KHDC1: variants seen among roughly 807,000 people sequenced by gnomAD.
KHDC1 encodes the protein KH domain containing 1, also known as KH homology domain-containing protein 1.
KHDC1 carries 21 observed loss-of-function variants against 24.7 expected under a neutral mutation model. The ratio of observed to expected loss-of-function variants is 0.85; its 90% confidence interval spans 0.60 to 1.23. KHDC1 has a LOEUF of 1.23. KHDC1 is among the 50% of genes most tolerant of loss of function. The pLI is 0.00. For synonymous variants in KHDC1, 98 were observed against 111.7 expected (o/e 0.88, Z 0.77); for missense variants, 274 against 298.5 (o/e 0.92, Z 0.61).
chr6:73,250,633 G>A (rs1488640230), intron 2 of KHDC1, among the ~76,000 whole-genome samples: 21 of 152,226 alleles, frequency 1.4e-4, no homozygotes, highest in Non-Finnish European at 5.9e-5. Context: ...GTTATTTGCT[G>A]TTCAAATCAT....
chr6:73,292,575 T>G lies in KHDC1; in HGVS notation c.164-535A>C. The G allele has an allele frequency of 2.6e-6, 2 of 765,728 alleles. 1 individual carries two copies. The highest frequency in any genetic ancestry group is 2.7e-5 in the South Asian group (2 of 74,158). 47.4% of individuals were successfully genotyped at this position (765,728 alleles called of 1,614,324 possible). ...GATAATAATTCTGTGAGTTCTCCAC[T>G]CCAGTCTCTTCAGCAGAGAGCATGG... On this transcript the variant is annotated intron_variant, in intron 1 of 4. Transcript: ENST00000370384.
intron 1 of KHDC1, among the ~76,000 whole-genome samples, chr6:73,306,643 T>G (rs1767967836): frequency 6.6e-6 from 1 of 150,868 alleles, no homozygotes; most frequent in African/African-American, 2.4e-5. Context: ...GAATAGATAA[T>G]ACCCTCCTTC....
chr6:73,241,995 A>G lies in KHDC1; in HGVS notation c.514+60T>C, dbSNP rs532287244. On this transcript the variant is annotated intron_variant, in intron 4 of 4. Transcript: ENST00000370384. ...ATTCTTCAAGAATCCAAGATGCTAC[A>G]CAACTTAGCCAGAACTCCACCACCA... 44 of 1,532,808 alleles carry G rather than the reference A, an allele frequency of 2.9e-5. No homozygotes were observed. In the African/African-American group the frequency reaches 4.7e-4, roughly 16 times the overall value. 95.0% of individuals were successfully genotyped at this position (1,532,808 alleles called of 1,614,324 possible). A position where few individuals can be genotyped will look rare whatever the true frequency, so the allele number is the denominator to read the frequency against.
intron 1 of KHDC1, among the ~76,000 whole-genome samples, chr6:73,295,436 T>C (rs1317791508): frequency 6.6e-6 from 1 of 152,170 alleles, no homozygotes; most frequent in Non-Finnish European, 1.5e-5. Flanking sequence ...GCACAGTGGC[T>C]CACGCCTGTA....
exon 1 of KHDC1, chr6:73,309,865 G>A: frequency 2.3e-6 from 2 of 866,904 alleles, no homozygotes; most frequent in Non-Finnish European, 3.5e-6. Flanking sequence ...TTCGGGTCGG[G>A]GTCAACCCAG....
At chr6:73,261,845 G>A (rs34378341) in intron 2 of KHDC1, among the ~76,000 whole-genome samples, 2 of 151,794 alleles carry the variant, frequency 1.3e-5, no homozygotes, top group Non-Finnish European at 2.9e-5. Flanking sequence ...CCGGGAGATA[G>A]AGGTTGCAGT....
intron 2 of KHDC1, among the ~76,000 whole-genome samples, chr6:73,266,498 A>G (rs190597219): frequency 1.3e-5 from 2 of 152,358 alleles, no homozygotes; most frequent in East Asian, 1.9e-4. Context: ...CTGTGTTTCA[A>G]CAAGGGTGCC....
rs573477209 is a variant in KHDC1 at position 73,254,874 on chromosome 6, C to T, written c.207-12344G>A. ...AAAATTAGCTGGGTACGGTGTCAGG[C>T]GCCTTTAGTCCTAGCTACTCGGGAG... is the stretch of plus-strand genomic sequence containing the variant. On this transcript the variant is annotated intron_variant, in intron 2 of 4. Coordinates refer to ENST00000370384, the Ensembl canonical transcript of KHDC1. Among the ~76,000 whole-genome samples, 9 of 151,600 alleles carry T rather than the reference C, an allele frequency of 5.9e-5. No individual in the cohort carries two copies. The East Asian group carries it at 1.2e-3, about 20-fold the overall frequency.
chr6:73,243,967 G>A (rs987931696), intron 2 of KHDC1, among the ~76,000 whole-genome samples: 1 of 152,144 alleles, frequency 6.6e-6, no homozygotes, highest in Admixed American at 6.6e-5. Flanking sequence ...TAGTAGAAAA[G>A]TCATATTATT....
At chr6:73,292,962 T>C in intron 1 of KHDC1, 2 of 918,076 alleles carry the variant, frequency 2.2e-6, no homozygotes, top group South Asian at 1.3e-5. Flanking sequence ...CTCTTCATAT[T>C]TGAGACTTTC....
chr6:73,292,769 G>T (rs79959832), intron 1 of KHDC1: 28,229 of 722,978 alleles, frequency 0.039, 695 homozygotes, highest in Middle Eastern at 0.086. Context: ...GGTGCTAAAA[G>T]ATCTAGGTAA....
rs770382175 is a variant in KHDC1, at chr6:73,242,251, A to T, written c.332-14T>A. The T allele has an allele frequency of 5.0e-6, 8 of 1,609,964 alleles. No homozygotes were observed. Among genetic ancestry groups the T allele is most frequent in the Non-Finnish European group, 6.8e-6 (8 of 1,178,032 alleles). On this transcript the variant is annotated splice_polypyrimidine_tract_variant and intron_variant, in intron 3 of 4. Transcript: ENST00000370384. ...TGTCACCATGCCCTGTGAGCATAAG[A>T]GGTGAGAGGAGGTTCTGTCAAGCAC...
At chr6:73,251,963 T>G (rs1423348705) in intron 2 of KHDC1, among the ~76,000 whole-genome samples, 1 of 151,880 alleles carries the variant, frequency 6.6e-6, no homozygotes, top group East Asian at 1.9e-4. Context: ...GGTCAAGCAA[T>G]TGGCCCATAT....
At chr6:73,292,972 C>T (rs994327888) in intron 1 of KHDC1, 1 of 928,110 alleles carries the variant, frequency 1.1e-6, no homozygotes, top group Admixed American at 1.8e-5. Flanking sequence ...TTGAGACTTT[C>T]TGTCACATCC....
At chr6:73,307,184 AC>A (rs1767980760) in intron 1 of KHDC1, among the ~76,000 whole-genome samples, 1 of 151,996 alleles carries the variant, frequency 6.6e-6, no homozygotes, top group African/African-American at 2.4e-5. Context: ...TAATCCCAGC[AC>A]CCAGGAGGCT....
chr6:73,257,233 C>T (rs982386375), intron 2 of KHDC1, among the ~76,000 whole-genome samples: 4 of 152,118 alleles, frequency 2.6e-5, no homozygotes, highest in Admixed American at 2.0e-4. Context: ...GTCAAGGCTT[C>T]AGTGAGCTTT....
At chr6:73,305,145 C>G (rs766341565) in intron 1 of KHDC1, among the ~76,000 whole-genome samples, 13 of 151,680 alleles carry the variant, frequency 8.6e-5, no homozygotes, top group Non-Finnish European at 1.6e-4. Context: ...GGCTGAGGCA[C>G]GAAAATTGCT....
rs1343928870 is a variant in KHDC1, at chr6:73,263,052, G to GGCGGCGGCGGCGGCGGCA, written c.207-20540_207-20523dup. 6 of 787,036 alleles carry GGCGGCGGCGGCGGCGGCA rather than the reference G, an allele frequency of 7.6e-6. No individual in the cohort carries two copies. In the African/African-American group the frequency reaches 1.1e-4, roughly 14 times the overall value. 48.8% of individuals were successfully genotyped at this position (787,036 alleles called of 1,614,324 possible). A position where few individuals can be genotyped will look rare whatever the true frequency, so the allele number is the denominator to read the frequency against. ...ACTCCCTGAGTAGGGCGGCGGCGGC[G>GGCGGCGGCGGCGGCGGCA]GCGGCGGCGGCGGCGGCAGCGGCGG... On this transcript the variant is annotated intron_variant, in intron 2 of 4. Coordinates refer to ENST00000370384, the Ensembl canonical transcript of KHDC1.
chr6:73,283,783 C>T, intron 2 of KHDC1, among the ~76,000 whole-genome samples: 1 of 151,004 alleles, frequency 6.6e-6, no homozygotes, highest in East Asian at 2.0e-4. Context: ...ATCGTGTTGG[C>T]CAGGCTGGTC....
Sources: allele counts gnomAD v4.1 joint callset (sites outside exome capture counted in the v4.1 genomes callset), GRCh38; gene constraint gnomAD v4.1.1; transcripts MANE v1.5; gene names NCBI Gene and HGNC (gene_info 2026-07-23, HGNC 2026-07-21).